The following NENF variants were observed in gnomAD, a reference collection of about 807,000 sequenced individuals.
NENF encodes the protein neudesin.
In NENF, 6 loss-of-function variants were observed where a neutral mutation model predicts 14.8. That is an observed-to-expected ratio of 0.40 (90% CI 0.22 to 0.80). The LOEUF (loss-of-function observed/expected upper bound fraction) is 0.80, where lower values mean the gene tolerates loss of function less well. Among genes scored for constraint, NENF ranks in the 30% least tolerant of loss-of-function variants. The pLI is 0.34. For synonymous variants in NENF, 76 were observed against 95.1 expected (o/e 0.80, Z 1.17); for missense variants, 184 against 212.7 (o/e 0.87, Z 0.84).
In NENF at chr1:212,432,935, G is replaced by A. The variant is rs1662540069; in HGVS notation, c.-9G>A. 4 of 744,210 alleles carry A rather than the reference G, an allele frequency of 5.4e-6. No individual in the cohort carries two copies. The highest frequency in any genetic ancestry group is 6.8e-6 in the Non-Finnish European group (4 of 590,364). 46.1% of individuals were successfully genotyped at this position (744,210 alleles called of 1,614,324 possible). A position where few individuals can be genotyped will look rare whatever the true frequency, so the allele number is the denominator to read the frequency against. On this transcript the variant is annotated 5_prime_UTR_variant, in exon 1 of 4. Transcript: ENST00000366988. ...CTGGCCCGGCCTTGCCTTGCGCTGC[G>A]CGCTCACCATGGTGGGCCCCGCGCC...
At chr1:212,441,695 A>G (rs2102570060) in intron 1 of NENF, among the ~76,000 whole-genome samples, 1 of 152,222 alleles carries the variant, frequency 6.6e-6, no homozygotes, top group South Asian at 2.1e-4. Context: ...CTGAGTCAGG[A>G]GAATCACATG....
Position 212,432,933 on chromosome 1 carries a change from G to C in NENF, c.-11G>C. On this transcript the variant is annotated 5_prime_UTR_variant, in exon 1 of 4. Transcript: ENST00000366988. Reference sequence around the variant, plus strand: ...CCCTGGCCCGGCCTTGCCTTGCGCTGCGCGCTCACCATGGTGGGCCCCGCG... The same window carrying C: ...CCCTGGCCCGGCCTTGCCTTGCGCTCCGCGCTCACCATGGTGGGCCCCGCG... 1.4e-6 allele frequency: 1 copy of C among 730,986 alleles called. No individual in the cohort carries two copies. The allele number at this position is 730,986 out of a possible 1,614,324, so 45.3% of individuals were successfully genotyped here.
intron 1 of NENF, among the ~76,000 whole-genome samples, chr1:212,442,170 C>T (rs1453027856): frequency 6.6e-6 from 1 of 152,196 alleles, no homozygotes; most frequent in Non-Finnish European, 1.5e-5. Flanking sequence ...TGCCACCATG[C>T]CCGGCTAATT....
chr1:212,437,413 T>C (rs583058), intron 1 of NENF, among the ~76,000 whole-genome samples: 66,842 of 152,008 alleles, frequency 0.44, 15,349 homozygotes, highest in East Asian at 0.68. Flanking sequence ...CTGACATATT[T>C]TCATATTGAA....
chr1:212,435,910 A>G (rs1404094651), intron 1 of NENF, among the ~76,000 whole-genome samples: 3 of 152,222 alleles, frequency 2.0e-5, no homozygotes, highest in Non-Finnish European at 4.4e-5. Context: ...ATTACCACGT[A>G]TTTTGTAAAT....
rs199717586 is a variant in NENF at position 212,445,898 on chromosome 1, C to T, written c.411C>T (p.Tyr137=). ...EVFTKVYKAK[Y]PIVGYTARRI... ...TCACCAAAGTGTACAAAGCCAAATA[C>T]CCCATCGTCGGCTACACTGCCCGGA... The change falls in exon 4 of 4, where the codon TAC becomes TAT. Residue 137 remains tyrosine (Y), a synonymous_variant. Coordinates refer to ENST00000366988, the MANE Select transcript of NENF (RefSeq NM_013349.5). The T allele has an allele frequency of 1.2e-6, 2 of 1,614,162 alleles. No homozygotes were observed. The highest frequency in any genetic ancestry group is 1.7e-5 in the Admixed American group (1 of 60,022).
chr1:212,442,046 G>A (rs965927605), intron 1 of NENF, among the ~76,000 whole-genome samples: 3 of 152,082 alleles, frequency 2.0e-5, no homozygotes, highest in Admixed American at 6.6e-5. Flanking sequence ...GAGTCTCACT[G>A]TGTCACCCAG....
intron 2 of NENF, among the ~76,000 whole-genome samples, chr1:212,443,468 C>T (rs1662726249): frequency 6.6e-6 from 1 of 151,918 alleles, no homozygotes; most frequent in African/African-American, 2.4e-5. Context: ...TGCAGTGATG[C>T]GACCTTCTCC....
chr1:212,443,868 A>T (rs1379699584), intron 2 of NENF, among the ~76,000 whole-genome samples: 1 of 146,910 alleles, frequency 6.8e-6, no homozygotes, highest in Non-Finnish European at 1.5e-5. Flanking sequence ...ACATGGTGAA[A>T]CCCCATCTCT....
intron 3 of NENF, among the ~76,000 whole-genome samples, chr1:212,445,514 G>C (rs567748091): frequency 2.6e-5 from 4 of 151,840 alleles, no homozygotes; most frequent in Non-Finnish European, 5.9e-5. Flanking sequence ...AGGATTAATC[G>C]GGGGGAGGAA....
chr1:212,444,194 TTGTATCGCCATTGTTTG>T, intron 2 of NENF, 128 bp from the exon 3 acceptor site: 2 of 457,898 alleles, frequency 4.4e-6, no homozygotes, highest in East Asian at 6.9e-5. Context: ...TTACTGGACT[TTGTATCGCCATTGTTTG>T]GCCTCTCCGT....
chr1:212,441,292 G>T (rs1048166233), intron 1 of NENF, among the ~76,000 whole-genome samples: 2 of 152,072 alleles, frequency 1.3e-5, no homozygotes, highest in South Asian at 2.1e-4. Context: ...TTGAAATAGG[G>T]CACTTTCCTA....
intron 1 of NENF, among the ~76,000 whole-genome samples, chr1:212,440,879 C>T (rs1662688851): frequency 6.6e-6 from 1 of 152,168 alleles, no homozygotes; most frequent in Admixed American, 6.5e-5. Flanking sequence ...GCTTGCAGAG[C>T]CTGAGATTCC....
chr1:212,440,261 A>AAT (rs1159430036), intron 1 of NENF, among the ~76,000 whole-genome samples: 1 of 151,818 alleles, frequency 6.6e-6, no homozygotes, highest in African/African-American at 2.4e-5. Context: ...CAAAAAAAAA[A>AAT]AAAAAGGAAA....
intron 1 of NENF, among the ~76,000 whole-genome samples, chr1:212,434,358 C>T (rs1662571111): frequency 6.6e-6 from 1 of 152,192 alleles, no homozygotes; most frequent in Non-Finnish European, 1.5e-5. Context: ...GGATTTCTCA[C>T]CCTTCCCTAC....
intron 2 of NENF, 138 bp from the exon 3 acceptor site, chr1:212,444,201 G>A (rs1170354499): frequency 6.5e-6 from 3 of 458,902 alleles, no homozygotes; most frequent in Admixed American, 4.2e-5. Flanking sequence ...ACTTTGTATC[G>A]CCATTGTTTG....
At chr1:212,442,518 G>A (rs1240229819) in intron 1 of NENF, 47 bp from the exon 2 acceptor site, 3 of 1,431,048 alleles carry the variant, frequency 2.1e-6, no homozygotes, top group Non-Finnish European at 2.0e-6. Context: ...TGCACTGGAA[G>A]AGCTGGCTCT....
chr1:212,443,984 G>A (rs908904589), intron 2 of NENF, among the ~76,000 whole-genome samples: 3 of 152,024 alleles, frequency 2.0e-5, no homozygotes, highest in Admixed American at 6.5e-5. Context: ...CCCGGGAGGT[G>A]GAGATTGCAG....
chr1:212,436,425 T>C (rs2102567064), intron 1 of NENF, among the ~76,000 whole-genome samples: 1 of 148,882 alleles, frequency 6.7e-6, no homozygotes, highest in South Asian at 2.2e-4. Context: ...GTTCTCTACC[T>C]CAGCCTCCCG....
Sources: allele counts gnomAD v4.1 joint callset (sites outside exome capture counted in the v4.1 genomes callset), GRCh38; gene constraint gnomAD v4.1.1; transcripts MANE v1.5; gene names NCBI Gene and HGNC (gene_info 2026-07-23, HGNC 2026-07-21).